Variants in KMT2C observed in about 807,000 individuals in gnomAD.
The protein encoded by KMT2C is lysine methyltransferase 2C, also known as histone-lysine N-methyltransferase 2C.
A neutral mutation model predicts 507.9 loss-of-function variants in KMT2C; 88 were observed. The observed-to-expected ratio is 0.17, with a 90% CI of 0.15 to 0.21. The LOEUF is 0.21. KMT2C is among the 10% of genes least tolerant of loss of function. KMT2C has a pLI of 1.00. For missense variants in KMT2C, 4,954 were observed against 5,957.8 expected (o/e 0.83, Z 5.55); for synonymous variants, 2,049 against 2,080.8 (o/e 0.98, Z 0.42).
At chr7:152,139,958 A>AT (rs1355213376) in intron 55 of KMT2C, among the ~76,000 whole-genome samples, 167 bp from the exon 56 acceptor site, 1 of 152,184 alleles carries the variant, frequency 6.6e-6, no homozygotes, top group African/African-American at 2.4e-5. Flanking sequence ...AAAATTGGAC[A>AT]TTTTTACTAC....
chr7:152,237,339 C>T (rs2095296192), intron 15 of KMT2C, among the ~76,000 whole-genome samples: 2 of 152,084 alleles, frequency 1.3e-5, no homozygotes, highest in Non-Finnish European at 1.5e-5. Flanking sequence ...GGAGGAATGG[C>T]TTTTTTCCCT....
chr7:152,170,216 T>A (rs1303410995), intron 40 of KMT2C, among the ~76,000 whole-genome samples: 1 of 152,234 alleles, frequency 6.6e-6, no homozygotes, highest in Non-Finnish European at 1.5e-5. Context: ...CTATAAAGGC[T>A]ATGCTTTTCC....
chr7:152,182,021 A>G lies in KMT2C; in HGVS notation c.5839T>C (p.Ser1947Pro), dbSNP rs2093450163. 1 of 1,614,146 alleles carries G rather than the reference A, an allele frequency of 6.2e-7. No individual in the cohort carries two copies. The highest frequency in any genetic ancestry group is 8.5e-7 in the Non-Finnish European group (1 of 1,180,002). ...QMNETTANRP[S>P]PVRDLCSSST... is the part of the protein sequence containing the mutation. Reference sequence around the variant, plus strand: ...GAAGAACATAAATCTCTGACAGGGGATGGCCTATTTGCTGTTGTCTCATTC... The same window carrying G: ...GAAGAACATAAATCTCTGACAGGGGGTGGCCTATTTGCTGTTGTCTCATTC... The change falls in exon 36 of 59, where the codon TCC (serine) becomes CCC (proline). Residue 1947 changes from serine to proline, a missense_variant. Transcript: ENST00000262189.
chr7:152,180,167 T>C (rs768263098), intron 36 of KMT2C, 41 bp from the exon 37 acceptor site: 2 of 1,602,156 alleles, frequency 1.2e-6, no homozygotes, highest in South Asian at 1.1e-5. Flanking sequence ...TTTGTGGTAA[T>C]TAATGGCTTT....
intron 7 of KMT2C, among the ~76,000 whole-genome samples, chr7:152,268,587 G>A (rs555944100): frequency 1.4e-3 from 213 of 152,172 alleles, no homozygotes; most frequent in African/African-American, 4.8e-3. Flanking sequence ...AACAATGGAA[G>A]CATCATAAAT....
intron 6 of KMT2C, among the ~76,000 whole-genome samples, chr7:152,289,588 T>G (rs2096371227): frequency 6.6e-6 from 1 of 152,142 alleles, no homozygotes; most frequent in African/African-American, 2.4e-5. Flanking sequence ...TCTAACATAT[T>G]TCTTGAAAAA....
At position 152,163,228 on chromosome 7, in the gene KMT2C, T is replaced by G. The variant is rs1363788749; in HGVS notation, c.10349A>C (p.Gln3450Pro). ...TAAGTCGGAACTGTAGAAGGGAATCTGGGACACAGATGTCCTACTACTACT... is the reference window on the plus strand; with the variant it reads ...TAAGTCGGAACTGTAGAAGGGAATCGGGGACACAGATGTCCTACTACTACT... ...EISSSRTSVS[Q>P]IPFYSSDLPC... Residue 3450 changes from glutamine (Q) to proline (P), a missense_variant, in exon 43 of 59, where the codon CAG becomes CCG. Around this residue, in one of 29 missense-constraint regions of KMT2C, gnomAD observed 801 missense variants for 751.2 expected, o/e 1.07. Transcript: ENST00000262189. 1 of 1,614,220 alleles carries G rather than the reference T, an allele frequency of 6.2e-7. No individual in the cohort carries two copies. The highest frequency in any genetic ancestry group is 1.7e-5 in the Admixed American group (1 of 60,030).
chr7:152,174,217 T>C lies in KMT2C; in HGVS notation c.9288A>G (p.Ile3096Met), dbSNP rs2093093972. ...TAAGGGCCACCATTTTGGCTTTCATTATAGGATCTGTAATTGCATCAAAAT... is the reference window on the plus strand; with the variant it reads ...TAAGGGCCACCATTTTGGCTTTCATCATAGGATCTGTAATTGCATCAAAAT... ...NIDFDAITDPIMKAKMVALKG... is the reference protein window; with the variant it reads ...NIDFDAITDPMMKAKMVALKG... Residue 3096 changes from isoleucine to methionine, a missense_variant, in exon 39 of 59, where the codon ATA becomes ATG. Ile to Met is a conservative substitution (Grantham distance 10, BLOSUM62 1). Around this residue, in one of 29 missense-constraint regions of KMT2C, gnomAD observed 1,689 missense variants for 1,654.3 expected, o/e 1.02. Transcript: ENST00000262189. 1 of 1,598,276 alleles carries C rather than the reference T, an allele frequency of 6.3e-7. No individual in the cohort carries two copies. The highest frequency in any genetic ancestry group is 8.6e-7 in the Non-Finnish European group (1 of 1,168,508).
At chr7:152,303,860 C>T (rs1317009869) in intron 6 of KMT2C, among the ~76,000 whole-genome samples, 1 of 152,032 alleles carries the variant, frequency 6.6e-6, no homozygotes, top group Admixed American at 6.6e-5. Context: ...TGGTGGTCCA[C>T]GCCTATGATC....
chr7:152,325,413 G>A (rs955222819), intron 3 of KMT2C, among the ~76,000 whole-genome samples: 2 of 151,434 alleles, frequency 1.3e-5, no homozygotes, highest in Non-Finnish European at 2.9e-5. Flanking sequence ...CTCCCAAAGG[G>A]CTGGGATTAC....
chr7:152,210,931 G>GA (rs1245275509), intron 23 of KMT2C, among the ~76,000 whole-genome samples: 11 of 152,116 alleles, frequency 7.2e-5, no homozygotes, highest in African/African-American at 2.7e-4. Flanking sequence ...TTTCACATCT[G>GA]AAAAGCAGAA....
At chr7:152,150,831 T>G (rs1266227888) in intron 51 of KMT2C, 69 bp downstream of exon 51, 1 of 1,062,116 alleles carries the variant, frequency 9.4e-7, no homozygotes, top group Non-Finnish European at 1.5e-6. Context: ...CTTTATTCAC[T>G]CCCATATGCC....
At chr7:152,323,209 A>C (rs2096787664) in intron 3 of KMT2C, among the ~76,000 whole-genome samples, 1 of 152,096 alleles carries the variant, frequency 6.6e-6, no homozygotes, top group Non-Finnish European at 1.5e-5. Context: ...CAATGTCAAA[A>C]GGATATCTGC....
chr7:152,383,548 T>C (rs1589618135), intron 1 of KMT2C, among the ~76,000 whole-genome samples: 1 of 141,398 alleles, frequency 7.1e-6, no homozygotes, highest in South Asian at 2.1e-4. Flanking sequence ...ATATTACACA[T>C]GTTATGGGAA....
At chr7:152,146,782 A>T in intron 52 of KMT2C, 47 bp from the exon 53 acceptor site, 1 of 1,549,252 alleles carries the variant, frequency 6.5e-7, no homozygotes, top group Middle Eastern at 1.7e-4. Flanking sequence ...AGGATACAGT[A>T]TAAAAAACAA....
At chr7:152,143,420 C>T (rs1478405804) in intron 55 of KMT2C, among the ~76,000 whole-genome samples, 1 of 152,238 alleles carries the variant, frequency 6.6e-6, no homozygotes, top group Non-Finnish European at 1.5e-5. Flanking sequence ...ACAGAAATTA[C>T]TCTCTGACAT....
intron 6 of KMT2C, among the ~76,000 whole-genome samples, chr7:152,290,282 ATATATATATATATTTTTTTTTTTTTT>A (rs1356155546): frequency 0.011 from 346 of 32,888 alleles, 2 homozygotes; most frequent in African/African-American, 0.045. Flanking sequence ...ATATATATAT[ATATATATATATATTTTTTTTTTTTTT>A]TTTTTTTTTT....
At chr7:152,292,613 G>C (rs2096446292) in intron 6 of KMT2C, among the ~76,000 whole-genome samples, 1 of 151,900 alleles carries the variant, frequency 6.6e-6, no homozygotes, top group African/African-American at 2.4e-5. Flanking sequence ...AACATTTTTA[G>C]CTCATGTCCC....
chr7:152,434,577 A>C (rs1281818424), intron 1 of KMT2C, among the ~76,000 whole-genome samples: 1 of 152,324 alleles, frequency 6.6e-6, no homozygotes, highest in African/African-American at 2.4e-5. Flanking sequence ...CCGACAGTTC[A>C]ATGAGAATAT....
Sources: allele counts gnomAD v4.1 joint callset (sites outside exome capture counted in the v4.1 genomes callset), GRCh38; gene constraint gnomAD v4.1.1; regional missense constraint gnomAD v4.1.1; transcripts MANE v1.5; gene names NCBI Gene and HGNC (gene_info 2026-07-23, HGNC 2026-07-21).